The following THSD7B variants were observed in gnomAD, a reference collection of about 807,000 sequenced individuals.
The protein encoded by THSD7B is thrombospondin type 1 domain containing 7B.
Under a neutral mutation model 213.6 loss-of-function variants are expected in THSD7B, and 138 were observed. The ratio of observed to expected loss-of-function variants is 0.65; its 90% CI spans 0.56 to 0.74. THSD7B has a LOEUF of 0.74. Among genes scored for constraint, THSD7B ranks in the 30% least tolerant of loss-of-function variants. The probability of loss-of-function intolerance (pLI) is 0.00; values close to 1 mark genes in which losing one functional copy is unlikely to be tolerated. For synonymous variants in THSD7B, 742 were observed against 687.0 expected, an observed-to-expected ratio of 1.08 and a Z score of -1.25; for missense variants, 1,931 against 1,991.5, an observed-to-expected ratio of 0.97 and a Z score of 0.58.
intron 9 of THSD7B, among the ~76,000 whole-genome samples, chr2:137,240,919 T>C (rs1396866575): frequency 6.6e-6 from 1 of 152,202 alleles, no homozygotes; most frequent in Non-Finnish European, 1.5e-5. Context: ...AATTCTGTAA[T>C]AGTTAAGTCC....
rs185993296 is a variant in THSD7B at position 136,965,886 on chromosome 2, A to T, written c.139+83569A>T. ...TGGTAGGTGCTTAATATATGATTTT[A>T]AAAAAATTCATTAGGAATCTTTTCC... is the stretch of plus-strand genomic sequence containing the variant. On this transcript the variant is annotated intron_variant, in intron 2 of 27. Coordinates refer to ENST00000409968, the MANE Select transcript of THSD7B (RefSeq NM_001316349.2). Among the ~76,000 whole-genome samples the T allele has an allele frequency of 4.3e-3, 662 of 152,202 alleles. 2 individuals are homozygous for T. The highest frequency in any genetic ancestry group is 0.022 in the Admixed American group (332 of 15,286).
chr2:137,212,623 G>A (rs1314518616), intron 7 of THSD7B, among the ~76,000 whole-genome samples: 2 of 151,580 alleles, frequency 1.3e-5, no homozygotes, highest in African/African-American at 4.8e-5. Flanking sequence ...ATGCTCGAAG[G>A]TAGGCCTCAT....
intron 12 of THSD7B, among the ~76,000 whole-genome samples, chr2:137,285,004 T>A (rs377095536): frequency 9.2e-4 from 140 of 152,170 alleles, no homozygotes; most frequent in African/African-American, 3.2e-3. Flanking sequence ...GTGGGGTGTT[T>A]AAGTCTCCCA....
chr2:137,528,180 C>T (rs139802486), intron 15 of THSD7B, among the ~76,000 whole-genome samples: 26 of 152,086 alleles, frequency 1.7e-4, no homozygotes, highest in African/African-American at 4.3e-4. Context: ...TGTTGTATTT[C>T]GTTGTGCCCA....
At chr2:137,114,337 C>A (rs1294483800) in intron 4 of THSD7B, among the ~76,000 whole-genome samples, 2 of 152,176 alleles carry the variant, frequency 1.3e-5, no homozygotes, top group Non-Finnish European at 2.9e-5. Context: ...AAAGGAAATT[C>A]TGCCTAAAAT....
At chr2:137,493,757 C>G (rs149563613) in intron 15 of THSD7B, among the ~76,000 whole-genome samples, 1 of 152,158 alleles carries the variant, frequency 6.6e-6, no homozygotes, top group African/African-American at 2.4e-5. Flanking sequence ...TTATCCCCTG[C>G]TCCTATTTTC....
chr2:136,818,547 TA>T (rs765564436), intron 1 of THSD7B, among the ~76,000 whole-genome samples: 2 of 151,946 alleles, frequency 1.3e-5, no homozygotes, highest in Non-Finnish European at 2.9e-5. Context: ...TAAAGTATAA[TA>T]AAAAATAAAT....
At chr2:137,512,209 T>C (rs1679975373) in intron 15 of THSD7B, 1 of 152,142 alleles carries the variant, frequency 6.6e-6, no homozygotes, top group Non-Finnish European at 1.5e-5. Context: ...GATATGGCCA[T>C]AGAGCAATTT....
At chr2:136,926,337 CCATGA>C (rs1684523376) in intron 2 of THSD7B, among the ~76,000 whole-genome samples, 1 of 151,954 alleles carries the variant, frequency 6.6e-6, no homozygotes, top group South Asian at 2.1e-4. Context: ...ATCTAAACCC[CCATGA>C]CATAAGTTTA....
intron 14 of THSD7B, among the ~76,000 whole-genome samples, chr2:137,444,905 C>A (rs1386963209): frequency 6.6e-6 from 1 of 151,812 alleles, no homozygotes; most frequent in Non-Finnish European, 1.5e-5. Flanking sequence ...ATAAAAGGAA[C>A]TCCAATAGCA....
At chr2:137,527,939 C>G (rs1228515808) in intron 15 of THSD7B, among the ~76,000 whole-genome samples, 1 of 152,018 alleles carries the variant, frequency 6.6e-6, no homozygotes, top group Non-Finnish European at 1.5e-5. Flanking sequence ...TTTTTGTTTC[C>G]TGAATCAATT....
intron 12 of THSD7B, among the ~76,000 whole-genome samples, chr2:137,342,945 T>C (rs1297238212): frequency 6.6e-6 from 1 of 151,666 alleles, no homozygotes; most frequent in Non-Finnish European, 1.5e-5. Context: ...GTTTTTTTCT[T>C]GGGAATTTTC....
At chr2:136,981,476 C>A (rs1053444119) in intron 2 of THSD7B, among the ~76,000 whole-genome samples, 4 of 152,072 alleles carry the variant, frequency 2.6e-5, no homozygotes, top group Non-Finnish European at 4.4e-5. Context: ...CATCATTAAC[C>A]CTGCTTGTCT....
intron 7 of THSD7B, among the ~76,000 whole-genome samples, chr2:137,215,301 GT>G (rs905106610): frequency 6.6e-6 from 1 of 152,064 alleles, no homozygotes. Flanking sequence ...TTGTAAATTT[GT>G]TTAAGTTCCT....
chr2:136,849,525 A>G (rs1452117873), intron 1 of THSD7B, among the ~76,000 whole-genome samples: 6 of 152,134 alleles, frequency 3.9e-5, no homozygotes, highest in Non-Finnish European at 5.9e-5. Context: ...CAGAACAGAA[A>G]ATCTTCTTGC....
At chr2:137,376,355 T>G (rs1296502597) in intron 12 of THSD7B, among the ~76,000 whole-genome samples, 6 of 152,184 alleles carry the variant, frequency 3.9e-5, no homozygotes, top group African/African-American at 1.4e-4. Context: ...AAATCTATAA[T>G]TACCTGATGC....
intron 15 of THSD7B, among the ~76,000 whole-genome samples, chr2:137,467,725 T>A (rs10202394): frequency 0.95 from 144,938 of 152,024 alleles, 69,492 homozygotes; most frequent in Non-Finnish European, 1. Context: ...AATGGAAAAA[T>A]TGGCCTAATA....
chr2:137,208,944 A>T (rs1020564999), intron 7 of THSD7B, among the ~76,000 whole-genome samples: 1 of 152,112 alleles, frequency 6.6e-6, no homozygotes, highest in Non-Finnish European at 1.5e-5. Flanking sequence ...TGGTTATTGT[A>T]TAACTATGCC....
intron 27 of THSD7B, among the ~76,000 whole-genome samples, chr2:137,672,963 G>C (rs1480493850): frequency 1.3e-5 from 2 of 152,168 alleles, no homozygotes; most frequent in Non-Finnish European, 1.5e-5. Flanking sequence ...GTAGCACCTG[G>C]AAGTTACACC....
Sources: gnomAD v4.1 joint callset for allele counts (sites outside exome capture counted in the v4.1 genomes callset) on GRCh38, gnomAD v4.1.1 for gene constraint, MANE v1.5 for transcripts, NCBI Gene and HGNC (gene_info 2026-07-23, HGNC 2026-07-21) for gene names.